The following MSRB3 variants were observed in gnomAD, a reference collection of about 807,000 sequenced individuals.
The protein encoded by MSRB3 is methionine-R-sulfoxide reductase B3.
Under a neutral mutation model 21.0 loss-of-function variants are expected in MSRB3, and 13 were observed. That is an observed-to-expected ratio of 0.62 (90% CI 0.40 to 0.98). MSRB3 has a LOEUF of 0.98. MSRB3 is among the 50% of genes least tolerant of loss of function. The pLI is 0.00. For synonymous variants in MSRB3, 87 were observed against 88.6 expected (o/e 0.98, Z 0.10); for missense variants, 199 against 230.3 (o/e 0.86, Z 0.88).
intron 5 of MSRB3, among the ~76,000 whole-genome samples, chr12:65,416,771 TA>T (rs1881001394): frequency 6.6e-6 from 1 of 152,238 alleles, no homozygotes; most frequent in Admixed American, 6.5e-5. Flanking sequence ...ATAGTTGACC[TA>T]ACTGTTGTTA....
At chr12:65,393,070 C>G in intron 5 of MSRB3, among the ~76,000 whole-genome samples, 1 of 151,802 alleles carries the variant, frequency 6.6e-6, no homozygotes, top group Non-Finnish European at 1.5e-5. Flanking sequence ...GTGAATTATT[C>G]CTTTCTATTA....
intron 5 of MSRB3, among the ~76,000 whole-genome samples, chr12:65,372,062 A>G (rs1016999598): frequency 2.6e-5 from 4 of 152,156 alleles, no homozygotes; most frequent in Admixed American, 6.5e-5. Flanking sequence ...CATACATTTC[A>G]TGTGATTTTT....
At chr12:65,365,455 C>T (rs774571348) in intron 4 of MSRB3, among the ~76,000 whole-genome samples, 38 of 152,168 alleles carry the variant, frequency 2.5e-4, no homozygotes, top group Non-Finnish European at 4.7e-4. Context: ...GGGAGTGATA[C>T]ATGCAAAGTG....
chr12:65,462,383 A>C (rs953733616), intron 6 of MSRB3, among the ~76,000 whole-genome samples: 1 of 152,144 alleles, frequency 6.6e-6, no homozygotes, highest in Non-Finnish European at 1.5e-5. Flanking sequence ...ATTTCTCTCA[A>C]ACACCAACAT....
intron 5 of MSRB3, among the ~76,000 whole-genome samples, chr12:65,378,179 A>G (rs1878738958): frequency 1.3e-5 from 2 of 152,182 alleles, no homozygotes; most frequent in African/African-American, 4.8e-5. Flanking sequence ...AGTGGCAAAT[A>G]TCCCTGGATA....
intron 4 of MSRB3, among the ~76,000 whole-genome samples, chr12:65,354,572 C>T (rs1344657470): frequency 6.6e-6 from 1 of 151,892 alleles, no homozygotes; most frequent in Non-Finnish European, 1.5e-5. Flanking sequence ...GTTTTCAGCT[C>T]CATCAGGTCC....
rs959285332 is a variant in MSRB3 at position 65,308,602 on chromosome 12, A to G, written c.23A>G (p.His8Arg). The change falls in exon 2 of 7, where the codon CAT becomes CGT. Residue 8 changes from histidine (H) to arginine (R), a missense_variant. His to Arg is a conservative substitution (Grantham distance 29). Coordinates refer to ENST00000308259, the MANE Select transcript of MSRB3 (RefSeq NM_001031679.3). MSAFNLL[H>R]LVTKSQPVAL... ...GTGATGTCTGCATTCAACCTGCTGCATTTGGTGACAAAGAGCCAGCCAGTA... is the reference window on the plus strand; with the variant it reads ...GTGATGTCTGCATTCAACCTGCTGCGTTTGGTGACAAAGAGCCAGCCAGTA... 1.2e-6 allele frequency: 2 copies of G among 1,613,764 alleles called. No homozygotes were observed.
intron 4 of MSRB3, among the ~76,000 whole-genome samples, chr12:65,339,363 T>C (rs1260703881): frequency 6.6e-6 from 1 of 152,250 alleles, no homozygotes; most frequent in Non-Finnish European, 1.5e-5. Flanking sequence ...AAATTGTCTC[T>C]TGTTGAGAAC....
At chr12:65,376,281 G>A (rs1265824409) in intron 5 of MSRB3, among the ~76,000 whole-genome samples, 1 of 151,954 alleles carries the variant, frequency 6.6e-6, no homozygotes, top group Admixed American at 6.6e-5. Context: ...CACTGCGCCC[G>A]GCTAATTTTT....
chr12:65,296,845 G>A (rs1872997379), intron 1 of MSRB3, among the ~76,000 whole-genome samples: 1 of 152,198 alleles, frequency 6.6e-6, no homozygotes. Flanking sequence ...TCCTGAAGTA[G>A]GAAGTAGTGT....
intron 5 of MSRB3, among the ~76,000 whole-genome samples, chr12:65,413,735 C>T (rs1016250035): frequency 6.6e-6 from 1 of 152,050 alleles, no homozygotes; most frequent in African/African-American, 2.4e-5. Flanking sequence ...TAAAGAAATG[C>T]ATACTAAATA....
intron 6 of MSRB3, among the ~76,000 whole-genome samples, chr12:65,461,387 C>A (rs970403034): frequency 6.6e-6 from 1 of 152,144 alleles, no homozygotes; most frequent in Non-Finnish European, 1.5e-5. Context: ...AAACCTGCAT[C>A]GAATGTGGTA....
intron 5 of MSRB3, chr12:65,419,015 G>T (rs1881131795): frequency 1.4e-6 from 1 of 713,178 alleles, no homozygotes; most frequent in Non-Finnish European, 2.5e-6. Context: ...TGCTCCATCT[G>T]CAGGGTGTAC....
Position 65,463,531 on chromosome 12 carries a change from A to G in MSRB3, c.*209A>G, listed in dbSNP as rs765448076. ...CAAGAACTGTTTATAGCTTTAGCAA[A>G]TGGAGACAGCTTTGTGAAACTTCTT... On this transcript the variant is annotated 3_prime_UTR_variant, in exon 7 of 7. Coordinates refer to ENST00000308259, the MANE Select transcript of MSRB3 (RefSeq NM_001031679.3). 1.7e-6 allele frequency: 1 copy of G among 582,468 alleles called. No homozygotes were observed. Among genetic ancestry groups the G allele is most frequent in the Non-Finnish European group, 3.0e-6 (1 of 338,762 alleles). 36.1% of individuals were successfully genotyped at this position (582,468 alleles called of 1,614,324 possible).
intron 1 of MSRB3, among the ~76,000 whole-genome samples, chr12:65,297,087 G>T (rs995435884): frequency 6.6e-6 from 1 of 152,192 alleles, no homozygotes; most frequent in Non-Finnish European, 1.5e-5. Context: ...GATGGAGCTG[G>T]AAGCCATTAT....
At chr12:65,404,436 G>A (rs1323889543) in intron 5 of MSRB3, among the ~76,000 whole-genome samples, 1 of 152,190 alleles carries the variant, frequency 6.6e-6, no homozygotes, top group Non-Finnish European at 1.5e-5. Context: ...AACACTGAAT[G>A]CAAGTGATTT....
chr12:65,321,468 C>T (rs938255262), intron 2 of MSRB3, among the ~76,000 whole-genome samples: 5 of 152,094 alleles, frequency 3.3e-5, no homozygotes, highest in African/African-American at 1.2e-4. Context: ...AACCAGAGGA[C>T]TGAAGCAAAA....
chr12:65,304,794 C>G (rs1388267906), intron 1 of MSRB3, among the ~76,000 whole-genome samples: 1 of 152,198 alleles, frequency 6.6e-6, no homozygotes, highest in Non-Finnish European at 1.5e-5. Context: ...CGGGTGAAAG[C>G]TGCCGAATTG....
At position 65,465,133 on chromosome 12, in the gene MSRB3, G is replaced by A. The variant is rs116191610; in HGVS notation, c.*1811G>A. On this transcript the variant is annotated 3_prime_UTR_variant, in exon 7 of 7. Transcript: ENST00000308259. The stretch of plus-strand genomic sequence containing the variant: ...ATGGAAACAGTTGGGCCAAGAGCCA[G>A]AATTTCCCTTTGTAGCAACACGGCT... 6.6e-6 allele frequency: 1 copy of A among 152,360 alleles called. No homozygotes were observed. Among genetic ancestry groups the A allele is most frequent in the African/African-American group, 2.4e-5 (1 of 41,584 alleles). The allele number at this position is 152,360 out of a possible 1,614,324, so 9.4% of individuals were successfully genotyped here.
Sources: gnomAD v4.1 joint callset for allele counts (sites outside exome capture counted in the v4.1 genomes callset) on GRCh38, gnomAD v4.1.1 for gene constraint, MANE v1.5 for transcripts, NCBI Gene and HGNC (gene_info 2026-07-23, HGNC 2026-07-21) for gene names.